The following FAT3 variants were observed in gnomAD, a reference collection of about 807,000 sequenced individuals.
FAT3 encodes the protein protocadherin Fat 3.
Under a neutral mutation model 310.2 loss-of-function variants are expected in FAT3, and 95 were observed. The observed-to-expected ratio is 0.31, with a 90% CI of 0.26 to 0.36. The LOEUF is 0.36. Ranked by LOEUF, FAT3 falls within the 10% of genes least tolerant of loss-of-function variation. The probability of loss-of-function intolerance (pLI) is 1.00; values close to 1 mark genes in which losing one functional copy is unlikely to be tolerated. For synonymous variants in FAT3, 2,314 were observed against 2,192.9 expected, an observed-to-expected ratio of 1.06 and a Z score of -1.54; for missense variants, 5,408 against 5,715.6, an observed-to-expected ratio of 0.95 and a Z score of 1.74.
intron 3 of FAT3, among the ~76,000 whole-genome samples, chr11:92,673,498 C>A (rs1054727860): frequency 4.6e-5 from 7 of 152,082 alleles, no homozygotes; most frequent in Non-Finnish European, 7.4e-5. Flanking sequence ...TATACGAGTG[C>A]AAAGAAGACT....
intron 7 of FAT3, among the ~76,000 whole-genome samples, chr11:92,780,029 G>A (rs1301633176): frequency 6.6e-6 from 1 of 152,058 alleles, no homozygotes; most frequent in Non-Finnish European, 1.5e-5. Context: ...AATGATTTTG[G>A]GGCAGTCATC....
At chr11:92,825,534 A>G (rs1167755946) in intron 13 of FAT3, among the ~76,000 whole-genome samples, 11 of 152,190 alleles carry the variant, frequency 7.2e-5, no homozygotes. Context: ...AGAAGAGGGC[A>G]AAGCACAAAT....
intron 2 of FAT3, among the ~76,000 whole-genome samples, chr11:92,455,118 G>C (rs1053789155): frequency 2.0e-5 from 3 of 152,146 alleles, no homozygotes; most frequent in African/African-American, 7.2e-5. Flanking sequence ...CAACCACTTT[G>C]CAAGAATGTG....
chr11:92,571,184 A>G (rs1435341956), intron 3 of FAT3, among the ~76,000 whole-genome samples: 1 of 152,200 alleles, frequency 6.6e-6, no homozygotes, highest in African/African-American at 2.4e-5. Flanking sequence ...ATTAGGAGGA[A>G]AGAGGTAAGG....
At chr11:92,850,369 T>A (rs1358284977) in intron 19 of FAT3, among the ~76,000 whole-genome samples, 1 of 152,206 alleles carries the variant, frequency 6.6e-6, no homozygotes, top group Non-Finnish European at 1.5e-5. Context: ...GTGTATTCCT[T>A]TCTATAGTCC....
chr11:92,603,356 A>T (rs1940121394), intron 3 of FAT3, among the ~76,000 whole-genome samples: 1 of 152,238 alleles, frequency 6.6e-6, no homozygotes, highest in Non-Finnish European at 1.5e-5. Flanking sequence ...AACTCACCAA[A>T]GCATAGATGA....
chr11:92,242,778 G>T (rs1864719107), intron 1 of FAT3, among the ~76,000 whole-genome samples: 1 of 152,004 alleles, frequency 6.6e-6, no homozygotes. Flanking sequence ...TATATTCAGT[G>T]CTGGCACATC....
At chr11:92,688,941 G>A (rs1371469988) in intron 3 of FAT3, among the ~76,000 whole-genome samples, 2 of 152,096 alleles carry the variant, frequency 1.3e-5, no homozygotes, top group African/African-American at 4.8e-5. Flanking sequence ...TAGAACTTTT[G>A]CTGCCCAAAT....
At chr11:92,622,784 A>T (rs1435433173) in intron 3 of FAT3, among the ~76,000 whole-genome samples, 25 of 152,180 alleles carry the variant, frequency 1.6e-4, no homozygotes. Context: ...TAAAGCCCCA[A>T]AAGTTAATTA....
intron 12 of FAT3, among the ~76,000 whole-genome samples, chr11:92,807,337 T>C (rs1433254566): frequency 6.6e-6 from 1 of 152,156 alleles, no homozygotes; most frequent in Non-Finnish European, 1.5e-5. Flanking sequence ...TGGGGTATCA[T>C]TCTCTGTACC....
intron 3 of FAT3, among the ~76,000 whole-genome samples, chr11:92,631,909 C>T (rs2135704291): frequency 6.6e-6 from 1 of 152,262 alleles, no homozygotes; most frequent in South Asian, 2.1e-4. Flanking sequence ...TTCCCTTTGC[C>T]TCTATGTCTC....
At chr11:92,728,206 G>A (rs1945057427) in intron 4 of FAT3, among the ~76,000 whole-genome samples, 1 of 152,156 alleles carries the variant, frequency 6.6e-6, no homozygotes, top group African/African-American at 2.4e-5. Flanking sequence ...ATTATTAAGA[G>A]GAGTTCTAAA....
Position 92,754,606 on chromosome 11 carries a change from C to T in FAT3, c.3670-7250C>T, listed in dbSNP as rs1157541543. 5.1e-5 allele frequency among the ~76,000 whole-genome samples: 5 copies of T among 97,676 alleles called. No individual in the cohort carries two copies. The East Asian group carries it at 1.0e-3, about 19-fold the overall frequency. 64.1% of individuals were successfully genotyped at this position (97,676 alleles called of 152,430 possible). On this transcript the variant is annotated intron_variant, in intron 4 of 27. Transcript: ENST00000525166. ...TAGCACCATTGCACTCCAGCCTGGG[C>T]GACAGAGGAAGACTCTGCCTCAAAA...
chr11:92,835,266 G>T (rs1024646363), intron 15 of FAT3, among the ~76,000 whole-genome samples, 182 bp downstream of exon 15: 4 of 152,304 alleles, frequency 2.6e-5, no homozygotes, highest in East Asian at 1.9e-4. Flanking sequence ...ATTAGGAAGA[G>T]TCTGATAGAT....
In FAT3 at chr11:92,892,426, T is replaced by C. The variant is rs1206940504; in HGVS notation, c.*1313T>C. ...GCAAAATTGTGCTTTTTTTTTTTTT[T>C]CTCAAGACAGAGTCTTGCTCTGTCA... is the stretch of plus-strand genomic sequence containing the variant. On this transcript the variant is annotated 3_prime_UTR_variant, in exon 28 of 28. Transcript: ENST00000525166. The C allele has an allele frequency of 3.5e-5, 5 of 142,492 alleles. No individual in the cohort carries two copies. The South Asian group carries it at 6.9e-4, about 20-fold the overall frequency. 8.8% of individuals were successfully genotyped at this position (142,492 alleles called of 1,614,324 possible). A position where few individuals can be genotyped will look rare whatever the true frequency, so the allele number is the denominator to read the frequency against.
chr11:92,412,158 A>G (rs1740644346), intron 2 of FAT3, among the ~76,000 whole-genome samples: 1 of 152,002 alleles, frequency 6.6e-6, no homozygotes, highest in Non-Finnish European at 1.5e-5. Flanking sequence ...GCTGGAGCGT[A>G]GTGGTGTGAT....
chr11:92,542,910 A>T (rs767971173), intron 3 of FAT3, among the ~76,000 whole-genome samples: 4 of 152,134 alleles, frequency 2.6e-5, no homozygotes, highest in African/African-American at 4.8e-5. Context: ...AATAGCCAAG[A>T]TATGGAACCA....
chr11:92,657,061 A>G (rs945618305), intron 3 of FAT3, among the ~76,000 whole-genome samples: 1 of 152,150 alleles, frequency 6.6e-6, no homozygotes, highest in African/African-American at 2.4e-5. Context: ...ACCCTGTTCT[A>G]CAGGAAGAGT....
In FAT3 at chr11:92,282,959, T is replaced by G. The variant is rs1448103636; in HGVS notation, c.-18+57785T>G. Among the ~76,000 whole-genome samples, 5 of 152,270 alleles carry G rather than the reference T, an allele frequency of 3.3e-5. No homozygotes were observed. In the East Asian group the frequency reaches 9.7e-4, roughly 29 times the overall value. ...TCTGTGATCCTGTTTTTATTTTATT[T>G]TGCTCTATAGTAATCATCACCAACA... On this transcript the variant is annotated intron_variant, in intron 1 of 27. Coordinates refer to ENST00000525166, the MANE Select transcript of FAT3 (RefSeq NM_001367949.2).
Sources: gnomAD v4.1 joint callset for allele counts (sites outside exome capture counted in the v4.1 genomes callset) on GRCh38, gnomAD v4.1.1 for gene constraint, MANE v1.5 for transcripts, NCBI Gene and HGNC (gene_info 2026-07-23, HGNC 2026-07-21) for gene names.